The following ERBB4 variants were observed in gnomAD, a reference collection of about 807,000 sequenced individuals.
ERBB4 encodes erb-b2 receptor tyrosine kinase 4.
Under a neutral mutation model 158.0 loss-of-function variants are expected in ERBB4, and 42 were observed. The observed-to-expected ratio is 0.27, with a 90% CI of 0.21 to 0.34. ERBB4 has a LOEUF of 0.34. ERBB4 is among the 10% of genes least tolerant of loss of function. The pLI is 1.00. For missense variants in ERBB4, 1,333 were observed against 1,624.1 expected (o/e 0.82, Z 3.08); for synonymous variants, 583 against 558.7 (o/e 1.04, Z -0.61).
intron 3 of ERBB4, among the ~76,000 whole-genome samples, chr2:211,847,967 T>C (rs2077629525): frequency 6.6e-6 from 1 of 152,136 alleles, no homozygotes; most frequent in South Asian, 2.1e-4. Flanking sequence ...AAAAGTTATA[T>C]ACCTTGAGCA....
intron 16 of ERBB4, among the ~76,000 whole-genome samples, chr2:211,636,073 T>C (rs2070347746): frequency 1.3e-5 from 2 of 150,596 alleles, no homozygotes; most frequent in South Asian, 2.1e-4. Flanking sequence ...TGCTTATCTA[T>C]GGGCACTAAA....
chr2:212,510,205 G>GTATATATATATATATATATATATA lies in ERBB4; in HGVS notation c.82+28220_82+28243dup, dbSNP rs10556403. Among the ~76,000 whole-genome samples, 83 of 130,416 alleles carry GTATATATATATATATATATATATA rather than the reference G, an allele frequency of 6.4e-4. 1 individual carries two copies. Among genetic ancestry groups the GTATATATATATATATATATATATA allele is most frequent in the African/African-American group, 2.3e-3 (76 of 33,142 alleles). 85.6% of individuals were successfully genotyped at this position (130,416 alleles called of 152,430 possible). ...AAACACCTTCCATCCTAACCACACAGTATATATATATATATATATATATAT... is the reference window on the plus strand; with the variant it reads ...AAACACCTTCCATCCTAACCACACAGTATATATATATATATATATATATATATATATATATATATATATATATAT... On this transcript the variant is annotated intron_variant, in intron 1 of 27. Transcript: ENST00000342788.
At chr2:211,773,671 T>C (rs2075796939) in intron 4 of ERBB4, among the ~76,000 whole-genome samples, 1 of 121,256 alleles carries the variant, frequency 8.2e-6, no homozygotes, top group East Asian at 2.5e-4. Flanking sequence ...ACACACACAC[T>C]TCATATACAT....
At chr2:211,408,278 G>A (rs773438880) in intron 25 of ERBB4, among the ~76,000 whole-genome samples, 12 of 152,100 alleles carry the variant, frequency 7.9e-5, no homozygotes, top group Non-Finnish European at 1.2e-4. Context: ...GCAGAGCTGC[G>A]AATCTTGTAG....
intron 1 of ERBB4, among the ~76,000 whole-genome samples, chr2:212,133,075 T>C (rs544877266): frequency 2.6e-5 from 4 of 152,256 alleles, no homozygotes; most frequent in Admixed American, 1.3e-4. Flanking sequence ...TTTGCTCTTT[T>C]TGATATCCTG....
At chr2:211,390,977 C>T (rs530930738) in intron 25 of ERBB4, among the ~76,000 whole-genome samples, 3 of 152,080 alleles carry the variant, frequency 2.0e-5, no homozygotes, top group African/African-American at 4.8e-5. Flanking sequence ...TTCACTTCCC[C>T]GTGGAAGGGC....
intron 3 of ERBB4, among the ~76,000 whole-genome samples, chr2:211,882,493 T>A (rs2078690602): frequency 6.6e-6 from 1 of 152,192 alleles, no homozygotes; most frequent in South Asian, 2.1e-4. Flanking sequence ...TGCTTGTCAA[T>A]TACTAAAATA....
intron 1 of ERBB4, among the ~76,000 whole-genome samples, chr2:212,317,751 T>A (rs762278599): frequency 5.3e-5 from 8 of 151,424 alleles, no homozygotes; most frequent in Non-Finnish European, 1.0e-4. Flanking sequence ...CATACAGATA[T>A]AAAGTGGTAA....
At chr2:211,403,665 A>G (rs530685877) in intron 25 of ERBB4, among the ~76,000 whole-genome samples, 1 of 152,292 alleles carries the variant, frequency 6.6e-6, no homozygotes, top group East Asian at 1.9e-4. Context: ...ATCACTGTGA[A>G]AAGCTCTCAA....
At chr2:211,921,611 A>G (rs2079859981) in intron 3 of ERBB4, among the ~76,000 whole-genome samples, 1 of 152,066 alleles carries the variant, frequency 6.6e-6, no homozygotes, top group Non-Finnish European at 1.5e-5. Flanking sequence ...AAGACAGTAA[A>G]CATGTTTTAA....
intron 1 of ERBB4, among the ~76,000 whole-genome samples, chr2:212,425,604 A>G (rs2091896424): frequency 6.6e-6 from 1 of 151,802 alleles, no homozygotes; most frequent in Admixed American, 6.6e-5. Context: ...GTATAAACAT[A>G]ATATTGATTT....
chr2:211,861,334 T>G (rs1411008799), intron 3 of ERBB4, among the ~76,000 whole-genome samples: 3 of 73,322 alleles, frequency 4.1e-5, no homozygotes, highest in African/African-American at 1.0e-4. Flanking sequence ...CGTGTTTTTT[T>G]TTTTGTTTTT....
At chr2:211,409,482 A>G (rs2063211863) in intron 25 of ERBB4, among the ~76,000 whole-genome samples, 1 of 152,146 alleles carries the variant, frequency 6.6e-6, no homozygotes, top group Non-Finnish European at 1.5e-5. Context: ...TCAAGTAGGT[A>G]ATGACTGAGT....
At chr2:212,292,621 A>C (rs972800097) in intron 1 of ERBB4, among the ~76,000 whole-genome samples, 2 of 152,088 alleles carry the variant, frequency 1.3e-5, no homozygotes, top group Non-Finnish European at 1.5e-5. Flanking sequence ...AAAAAAACAC[A>C]GTTATATTTA....
intron 2 of ERBB4, among the ~76,000 whole-genome samples, chr2:211,995,353 A>T (rs987239528): frequency 6.6e-6 from 1 of 152,180 alleles, no homozygotes; most frequent in African/African-American, 2.4e-5. Context: ...AATAGTTCTT[A>T]TGTGTAAATT....
At chr2:211,875,992 G>T (rs896269635) in intron 3 of ERBB4, among the ~76,000 whole-genome samples, 2 of 152,104 alleles carry the variant, frequency 1.3e-5, no homozygotes, top group Admixed American at 6.5e-5. Context: ...ACAGGATAAT[G>T]AAATCACATA....
At chr2:211,798,722 C>T (rs1306855685) in intron 3 of ERBB4, among the ~76,000 whole-genome samples, 1 of 151,800 alleles carries the variant, frequency 6.6e-6, no homozygotes, top group Non-Finnish European at 1.5e-5. Flanking sequence ...ACATGAAATC[C>T]CCATTAAGTT....
At chr2:211,493,395 G>A (rs527894593) in intron 20 of ERBB4, among the ~76,000 whole-genome samples, 2 of 152,004 alleles carry the variant, frequency 1.3e-5, no homozygotes, top group South Asian at 2.1e-4. Flanking sequence ...AACCTGTAAT[G>A]TTGCAATTAA....
At chr2:211,593,208 AAGTAAAGT>A (rs2068530258) in intron 19 of ERBB4, among the ~76,000 whole-genome samples, 2 of 152,184 alleles carry the variant, frequency 1.3e-5, no homozygotes, top group Non-Finnish European at 2.9e-5. Flanking sequence ...TGGAACAAGA[AAGTAAAGT>A]AGGCTATAGC....
Sources: gnomAD v4.1 joint callset for allele counts (sites outside exome capture counted in the v4.1 genomes callset) on GRCh38, gnomAD v4.1.1 for gene constraint, MANE v1.5 for transcripts, NCBI Gene and HGNC (gene_info 2026-07-23, HGNC 2026-07-21) for gene names.